Variants in TANC1 observed in about 807,000 individuals in gnomAD.
TANC1 encodes protein TANC1.
In TANC1, 77 loss-of-function variants were observed where a neutral mutation model predicts 149.7. The ratio of observed to expected loss-of-function variants is 0.51; its 90% confidence interval spans 0.43 to 0.62. The LOEUF is 0.62. Ranked by LOEUF, TANC1 falls within the 20% of genes least tolerant of loss-of-function variation. The pLI is 0.00. For missense variants in TANC1, 1,985 were observed against 2,321.8 expected, an observed-to-expected ratio of 0.85 and a Z score of 2.98; for synonymous variants, 854 against 925.0, an observed-to-expected ratio of 0.92 and a Z score of 1.39.
At chr2:159,023,217 A>C (rs984235372) in intron 2 of TANC1, among the ~76,000 whole-genome samples, 2 of 152,144 alleles carry the variant, frequency 1.3e-5, no homozygotes, top group African/African-American at 4.8e-5. Flanking sequence ...GTCCAGGTGG[A>C]ATAAAAGGAC....
chr2:159,075,637 T>C (rs1348579750), intron 3 of TANC1, among the ~76,000 whole-genome samples: 2 of 152,230 alleles, frequency 1.3e-5, no homozygotes, highest in South Asian at 4.2e-4. Flanking sequence ...ACCCAAGATA[T>C]TCTGTATTTT....
At chr2:159,071,817 ATCT>A (rs574406328) in intron 3 of TANC1, among the ~76,000 whole-genome samples, 69 of 152,320 alleles carry the variant, frequency 4.5e-4, no homozygotes, top group Admixed American at 3.1e-3. Flanking sequence ...GATATTTGGT[ATCT>A]TCTTGTTAAC....
intron 8 of TANC1, 83 bp from the exon 9 acceptor site, chr2:159,169,167 T>G (rs1261056450): frequency 9.0e-7 from 1 of 1,112,388 alleles, no homozygotes; most frequent in Non-Finnish European, 1.3e-6. Flanking sequence ...ACTGAATTGC[T>G]TAGTGATTTA....
intron 13 of TANC1, 41 bp from the exon 14 acceptor site, chr2:159,178,515 C>G: frequency 6.6e-7 from 1 of 1,513,292 alleles, no homozygotes; most frequent in Non-Finnish European, 8.8e-7. Context: ...AAAAAGGAAT[C>G]TCTTTAGAGT....
chr2:159,040,364 G>T (rs952144579), intron 2 of TANC1, among the ~76,000 whole-genome samples: 1 of 152,074 alleles, frequency 6.6e-6, no homozygotes, highest in Non-Finnish European at 1.5e-5. Context: ...TTTTCAGCTT[G>T]GTTACATTGT....
chr2:159,210,782 G>A (rs548453916), intron 19 of TANC1, among the ~76,000 whole-genome samples: 1 of 152,196 alleles, frequency 6.6e-6, no homozygotes, highest in African/African-American at 2.4e-5. Context: ...TGGCCAGAAT[G>A]GTCTCGATCT....
At chr2:159,100,628 C>T (rs114827072) in intron 4 of TANC1, among the ~76,000 whole-genome samples, 3,525 of 152,268 alleles carry the variant, frequency 0.023, 64 homozygotes, top group South Asian at 0.033. Flanking sequence ...TCTAACGGAG[C>T]AGTGCTTGTT....
chr2:159,160,201 A>T (rs2053904293), intron 7 of TANC1, among the ~76,000 whole-genome samples: 1 of 152,228 alleles, frequency 6.6e-6, no homozygotes, highest in Non-Finnish European at 1.5e-5. Flanking sequence ...AGTTTGGGTG[A>T]TGATAGCAAG....
chr2:159,192,824 T>G (rs1057365964), intron 16 of TANC1, among the ~76,000 whole-genome samples: 8 of 152,158 alleles, frequency 5.3e-5, no homozygotes, highest in Non-Finnish European at 1.2e-4. Context: ...AATTTTTGTA[T>G]TTTTAGTAGA....
chr2:159,175,137 C>T lies in TANC1; in HGVS notation c.1688C>T (p.Ala563Val). The T allele has an allele frequency of 6.2e-7, 1 of 1,614,128 alleles. No homozygotes were observed. The highest frequency in any genetic ancestry group is 8.5e-7 in the Non-Finnish European group (1 of 1,180,022). The change falls in exon 12 of 27, where the codon GCA becomes GTA. Residue 563 changes from alanine to valine, a missense_variant. By Grantham distance (64) the Ala-to-Val change is moderately conservative. This residue lies in a region of TANC1 where 508 missense variants were observed against 714.2 expected (regional missense o/e 0.71). Transcript: ENST00000263635. Reference protein sequence around the residue: ...SLRSCVQDPVAAFKRGVLEPL... With the variant: ...SLRSCVQDPVVAFKRGVLEPL... ...CGATCCTGTGTGCAGGACCCGGTGGCAGCTTTCAAGAGGGGAGTGCTGGAG... is the reference window on the plus strand; with the variant it reads ...CGATCCTGTGTGCAGGACCCGGTGGTAGCTTTCAAGAGGGGAGTGCTGGAG...
intron 2 of TANC1, among the ~76,000 whole-genome samples, chr2:159,053,845 A>G (rs893510171): frequency 2.0e-5 from 3 of 152,218 alleles, no homozygotes; most frequent in African/African-American, 4.8e-5. Context: ...CTGTGGGCTA[A>G]TGAACTCAAG....
rs759945824 is a variant in TANC1 at position 159,178,959 on chromosome 2, C to G, written c.2306C>G (p.Thr769Arg). ...GCCCTCGCATCCCTCCACCCCATGACAGACGAGCAGATCTTTCAGGCTATT... is the reference window on the plus strand; with the variant it reads ...GCCCTCGCATCCCTCCACCCCATGAGAGACGAGCAGATCTTTCAGGCTATT... ...NVALASLHPM[T>R]DEQIFQAINA... is the part of the protein sequence containing the mutation. Residue 769 changes from threonine to arginine, a missense_variant, in exon 14 of 27, where the codon ACA (threonine) becomes AGA (arginine). By Grantham distance (71) the Thr-to-Arg change is moderately conservative. Around this residue, in one of 3 missense-constraint regions of TANC1, gnomAD observed 508 missense variants for 714.2 expected, o/e 0.71. Transcript: ENST00000263635. The G allele has an allele frequency of 6.8e-6, 11 of 1,614,072 alleles. No individual in the cohort carries two copies. The highest frequency in any genetic ancestry group is 2.7e-5 in the African/African-American group (2 of 74,908).
intron 5 of TANC1, among the ~76,000 whole-genome samples, chr2:159,143,092 CA>C (rs139583150): frequency 5.3e-5 from 5 of 94,768 alleles, no homozygotes; most frequent in Non-Finnish European, 1.5e-4. Context: ...CAAAACAAAA[CA>C]AAAAAAAACA....
At chr2:158,978,636 T>C (rs556265505) in intron 1 of TANC1, among the ~76,000 whole-genome samples, 3 of 152,180 alleles carry the variant, frequency 2.0e-5, no homozygotes, top group Admixed American at 6.5e-5. Context: ...AGCAAAATCA[T>C]GGGCGATAAC....
At chr2:159,092,971 C>T (rs2045705982) in intron 3 of TANC1, among the ~76,000 whole-genome samples, 1 of 152,188 alleles carries the variant, frequency 6.6e-6, no homozygotes, top group South Asian at 2.1e-4. Context: ...CCCTGTTCCT[C>T]AGGGTTACCT....
chr2:159,219,499 C>A, intron 21 of TANC1, 138 bp downstream of exon 21: 2 of 1,336,486 alleles, frequency 1.5e-6, no homozygotes, highest in Non-Finnish European at 2.1e-6. Flanking sequence ...AGAGAATAGG[C>A]AACACAGCCA....
intron 2 of TANC1, among the ~76,000 whole-genome samples, chr2:159,014,788 C>T (rs2038098472): frequency 6.6e-6 from 1 of 152,156 alleles, no homozygotes; most frequent in African/African-American, 2.4e-5. Context: ...AAATCCAAAT[C>T]TTAAAGCTCC....
chr2:159,029,371 T>C (rs2039602446), intron 2 of TANC1, among the ~76,000 whole-genome samples: 1 of 152,120 alleles, frequency 6.6e-6, no homozygotes, highest in Admixed American at 6.6e-5. Context: ...AGAAATGAGA[T>C]TGTTGGATCG....
intron 2 of TANC1, chr2:159,004,131 G>T: frequency 6.2e-7 from 1 of 1,612,256 alleles, no homozygotes; most frequent in Non-Finnish European, 8.5e-7. Flanking sequence ...ACCAATCACA[G>T]AAATGCTTCC....
Sources: allele counts gnomAD v4.1 joint callset (sites outside exome capture counted in the v4.1 genomes callset), GRCh38; gene constraint gnomAD v4.1.1; regional missense constraint gnomAD v4.1.1; transcripts MANE v1.5; gene names NCBI Gene and HGNC (gene_info 2026-07-23, HGNC 2026-07-21).